The following RIMS2 variants were observed in gnomAD, a reference collection of about 807,000 sequenced individuals.
The protein encoded by RIMS2 is regulating synaptic membrane exocytosis 2.
Under a neutral mutation model 174.4 loss-of-function variants are expected in RIMS2, and 59 were observed. That is an observed-to-expected ratio of 0.34 (90% CI 0.27 to 0.42). The LOEUF (loss-of-function observed/expected upper bound fraction) is 0.42, where lower values mean the gene tolerates loss of function less well. Among genes scored for constraint, RIMS2 ranks in the 10% least tolerant of loss-of-function variants. The probability of loss-of-function intolerance (pLI) is 1.00; values close to 1 mark genes in which losing one functional copy is unlikely to be tolerated. For synonymous variants in RIMS2, 606 were observed against 572.5 expected, an observed-to-expected ratio of 1.06 and a Z score of -0.84; for missense variants, 1,620 against 1,666.3, an observed-to-expected ratio of 0.97 and a Z score of 0.48.
intron 2 of RIMS2, among the ~76,000 whole-genome samples, chr8:103,732,557 G>C (rs1004389048): frequency 2.6e-5 from 4 of 152,092 alleles, no homozygotes; most frequent in African/African-American, 9.7e-5. Flanking sequence ...TCAATCCTGG[G>C]TGGGTCCAGA....
intron 4 of RIMS2, among the ~76,000 whole-genome samples, chr8:103,897,812 C>T (rs1218786510): frequency 6.6e-6 from 1 of 151,642 alleles, no homozygotes; most frequent in African/African-American, 2.4e-5. Context: ...GGCTTCTTTT[C>T]CCACCATAGA....
chr8:103,588,953 A>G (rs377386752), intron 1 of RIMS2, among the ~76,000 whole-genome samples: 138 of 151,972 alleles, frequency 9.1e-4, no homozygotes, highest in African/African-American at 3.2e-3. Flanking sequence ...AAAGGATACA[A>G]TCAACAAAAT....
intron 2 of RIMS2, among the ~76,000 whole-genome samples, chr8:103,738,048 C>A (rs114902046): frequency 0.014 from 2,075 of 152,188 alleles, 45 homozygotes; most frequent in African/African-American, 0.044. Flanking sequence ...TACTGTGTTT[C>A]TAATAAGTAG....
At chr8:103,653,571 A>G (rs1315206107) in intron 1 of RIMS2, among the ~76,000 whole-genome samples, 3 of 152,170 alleles carry the variant, frequency 2.0e-5, no homozygotes, top group Admixed American at 2.0e-4. Flanking sequence ...GACAAGTGAC[A>G]TGGACTCCAG....
intron 3 of RIMS2, among the ~76,000 whole-genome samples, chr8:103,832,389 C>T (rs2098831200): frequency 1.3e-5 from 2 of 151,678 alleles, no homozygotes; most frequent in African/African-American, 4.8e-5. Flanking sequence ...TTTTTTTTAA[C>T]TTTTATTTTA....
intron 1 of RIMS2, among the ~76,000 whole-genome samples, chr8:103,684,539 T>TTTTTATTTTATTTTATTTTATTTTA (rs71297228): frequency 7.4e-5 from 10 of 134,514 alleles, no homozygotes; most frequent in African/African-American, 2.2e-4. Flanking sequence ...GTTCATACTT[T>TTTTTATTTTATTTTATTTTATTTTA]TTTTATTTTA....
intron 3 of RIMS2, among the ~76,000 whole-genome samples, chr8:103,849,158 A>C (rs1392747781): frequency 6.6e-6 from 1 of 152,084 alleles, no homozygotes; most frequent in African/African-American, 2.4e-5. Flanking sequence ...TAACAGTTGC[A>C]TGGCCACTGT....
intron 2 of RIMS2, among the ~76,000 whole-genome samples, chr8:103,733,541 C>G (rs1294471043): frequency 6.6e-6 from 1 of 152,096 alleles, no homozygotes; most frequent in Non-Finnish European, 1.5e-5. Flanking sequence ...TATTTAGAAC[C>G]CTGGAACACT....
chr8:103,899,840 T>G (rs936198579), intron 4 of RIMS2, among the ~76,000 whole-genome samples: 2 of 151,822 alleles, frequency 1.3e-5, no homozygotes, highest in Non-Finnish European at 2.9e-5. Context: ...TTCTAGGGTT[T>G]TTATGGTTTT....
intron 3 of RIMS2, chr8:103,819,359 C>A: frequency 6.6e-7 from 1 of 1,525,178 alleles, no homozygotes; most frequent in Non-Finnish European, 8.7e-7. Context: ...TAACTATCAA[C>A]CTCTGTTCAT....
chr8:103,900,598 A>G (rs1460876537), intron 4 of RIMS2, among the ~76,000 whole-genome samples: 1 of 152,074 alleles, frequency 6.6e-6, no homozygotes. Flanking sequence ...TCAATTTATT[A>G]CTTATTTTCT....
chr8:103,821,092 T>C (rs1045410635), intron 3 of RIMS2, among the ~76,000 whole-genome samples: 7 of 151,616 alleles, frequency 4.6e-5, no homozygotes, highest in Non-Finnish European at 1.0e-4. Flanking sequence ...GGTTTAGGTA[T>C]AGAAATTATG....
chr8:103,921,632 A>G, intron 9 of RIMS2, 40 bp from the exon 13 acceptor site: 2 of 816,788 alleles, frequency 2.4e-6, no homozygotes, highest in Non-Finnish European at 4.4e-6. Flanking sequence ...ACTTGTGAAG[A>G]GCCATTGTTA....
intron 1 of RIMS2, among the ~76,000 whole-genome samples, chr8:103,554,509 G>A (rs1288170006): frequency 6.6e-6 from 1 of 152,118 alleles, no homozygotes; most frequent in East Asian, 1.9e-4. Context: ...AGTCAGAATA[G>A]CTATTATTAA....
chr8:103,749,538 T>G (rs1252964154), intron 2 of RIMS2, among the ~76,000 whole-genome samples: 1 of 152,152 alleles, frequency 6.6e-6, no homozygotes, highest in Non-Finnish European at 1.5e-5. Flanking sequence ...TGAGGTGTTT[T>G]GATAGAGGCA....
chr8:103,752,561 A>G (rs1030199213), intron 2 of RIMS2, among the ~76,000 whole-genome samples: 2 of 151,678 alleles, frequency 1.3e-5, no homozygotes, highest in African/African-American at 2.4e-5. Context: ...ATTTTCACCC[A>G]TGAGCATGGA....
chr8:103,675,970 GA>G (rs34522270), intron 1 of RIMS2, among the ~76,000 whole-genome samples: 15 of 151,934 alleles, frequency 9.9e-5, no homozygotes, highest in East Asian at 9.7e-4. Flanking sequence ...ACTCTTAGGT[GA>G]AAAAAAGGTA....
At chr8:104,063,263 A>G (rs1243304722) in intron 19 of RIMS2, among the ~76,000 whole-genome samples, 1 of 152,094 alleles carries the variant, frequency 6.6e-6, no homozygotes, top group African/African-American at 2.4e-5. Flanking sequence ...CAAATGTTTA[A>G]TGATCATCCC....
At chr8:103,658,899 G>A (rs923262592) in intron 1 of RIMS2, among the ~76,000 whole-genome samples, 11 of 152,130 alleles carry the variant, frequency 7.2e-5, no homozygotes, top group Admixed American at 2.0e-4. Context: ...ACTCATGTTA[G>A]CTTGCAATAG....
Sources: gnomAD v4.1 joint callset for allele counts (sites outside exome capture counted in the v4.1 genomes callset) on GRCh38, gnomAD v4.1.1 for gene constraint, MANE v1.5 for transcripts, NCBI Gene and HGNC (gene_info 2026-07-23, HGNC 2026-07-21) for gene names.